Variants in ENOPH1 observed in about 807,000 individuals in gnomAD.
The protein encoded by ENOPH1 is enolase-phosphatase E1.
A neutral mutation model predicts 31.1 loss-of-function variants in ENOPH1; 14 were observed. That is an observed-to-expected ratio of 0.45 (90% CI 0.30 to 0.70). The LOEUF is 0.70. Ranked by LOEUF, ENOPH1 falls within the 30% of genes least tolerant of loss-of-function variation. The pLI, the probability that ENOPH1 is intolerant of heterozygous loss-of-function variation, is 0.09. For synonymous variants in ENOPH1, 127 were observed against 123.2 expected (o/e 1.03, Z -0.21); for missense variants, 243 against 321.5 (o/e 0.76, Z 1.87).
At chr4:82,434,196 TTGTC>T (rs1721845919) in intron 1 of ENOPH1, among the ~76,000 whole-genome samples, 1 of 152,228 alleles carries the variant, frequency 6.6e-6, no homozygotes, top group Non-Finnish European at 1.5e-5. Flanking sequence ...ATGCTACTGT[TTGTC>T]CTGTCTCCTT....
At position 82,460,447 on chromosome 4, in the gene ENOPH1, A is replaced by T. The variant is rs188783869; in HGVS notation, c.*327A>T. ...TGCTATGTTTATCAAATCGTGTACT[A>T]AAATGGAAAGCTAGTTTTGAGAAAT... On this transcript the variant is annotated 3_prime_UTR_variant, in exon 6 of 6. Coordinates refer to ENST00000273920, the MANE Select transcript of ENOPH1 (RefSeq NM_021204.5). 1.1e-5 allele frequency: 2 copies of T among 178,396 alleles called. No homozygotes were observed. The highest frequency in any genetic ancestry group is 6.2e-5 in the Admixed American group (1 of 16,156). The allele number at this position is 178,396 out of a possible 1,614,324, so 11.1% of individuals were successfully genotyped here. A position where few individuals can be genotyped will look rare whatever the true frequency, so the allele number is the denominator to read the frequency against.
At position 82,460,449 on chromosome 4, in the gene ENOPH1, A is replaced by G. The variant is rs1302062577; in HGVS notation, c.*329A>G. ...CTATGTTTATCAAATCGTGTACTAA[A>G]ATGGAAAGCTAGTTTTGAGAAATTA... On this transcript the variant is annotated 3_prime_UTR_variant, in exon 6 of 6. Transcript: ENST00000273920. 1 of 176,308 alleles carries G rather than the reference A, an allele frequency of 5.7e-6. No homozygotes were observed. The highest frequency in any genetic ancestry group is 2.3e-5 in the African/African-American group (1 of 42,554). 10.9% of individuals were successfully genotyped at this position (176,308 alleles called of 1,614,324 possible).
intron 1 of ENOPH1, among the ~76,000 whole-genome samples, chr4:82,447,426 G>A (rs985842416): frequency 1.3e-5 from 2 of 152,160 alleles, no homozygotes; most frequent in African/African-American, 4.8e-5. Flanking sequence ...TGAGTGATAT[G>A]TACAATAATG....
At chr4:82,449,111 G>A (rs1409843109) in intron 2 of ENOPH1, among the ~76,000 whole-genome samples, 1 of 147,668 alleles carries the variant, frequency 6.8e-6, no homozygotes, top group Non-Finnish European at 1.5e-5. Context: ...ATGGTGGCGG[G>A]CACCTGTAGT....
At chr4:82,441,303 C>T (rs116258489) in intron 1 of ENOPH1, among the ~76,000 whole-genome samples, 2,919 of 152,174 alleles carry the variant, frequency 0.019, 94 homozygotes, top group African/African-American at 0.067. Context: ...GGCAAGAGGG[C>T]ATGTTCAAGG....
intron 1 of ENOPH1, among the ~76,000 whole-genome samples, chr4:82,444,085 G>A (rs1200831344): frequency 6.6e-6 from 1 of 152,202 alleles, no homozygotes; most frequent in Non-Finnish European, 1.5e-5. Context: ...ATGTTGGCCA[G>A]GCTGGTCTCG....
At chr4:82,431,402 C>G (rs762544368) in intron 1 of ENOPH1, among the ~76,000 whole-genome samples, 18 of 152,234 alleles carry the variant, frequency 1.2e-4, no homozygotes, top group Non-Finnish European at 1.8e-4. Flanking sequence ...ATCAAGGTTC[C>G]TCTTCGCCCC....
intron 1 of ENOPH1, among the ~76,000 whole-genome samples, chr4:82,434,455 C>T (rs907773764): frequency 1.3e-4 from 20 of 151,840 alleles, no homozygotes; most frequent in Admixed American, 7.9e-4. Flanking sequence ...CATGGTGGCT[C>T]ATAATCCCAG....
rs1722506923 is a variant in ENOPH1, at chr4:82,456,991, T to C, written c.599T>C (p.Ile200Thr). 12 of 1,613,942 alleles carry C rather than the reference T, an allele frequency of 7.4e-6. No individual in the cohort carries two copies. Among genetic ancestry groups the C allele is most frequent in the South Asian group, 3.3e-5 (3 of 91,074 alleles). Residue 200 changes from isoleucine to threonine, a missense_variant, in exon 5 of 6, where the codon ATT becomes ACT. By Grantham distance (89) the Ile-to-Thr change is moderately conservative. Transcript: ENST00000273920. ...SESYRKIADSIGCSTNNILFL... is the reference protein window; with the variant it reads ...SESYRKIADSTGCSTNNILFL... ...AGTTACCGAAAGATTGCAGACAGCA[T>C]TGGGTGCTCAACCAACAACATTTTG...
chr4:82,458,063 C>T (rs1379921292), intron 5 of ENOPH1, among the ~76,000 whole-genome samples: 2 of 110,592 alleles, frequency 1.8e-5, no homozygotes, highest in East Asian at 5.0e-4. Context: ...CTTCTGCTGG[C>T]CCCATACACA....
intron 1 of ENOPH1, among the ~76,000 whole-genome samples, chr4:82,439,772 A>C (rs1721995053): frequency 6.6e-6 from 1 of 152,134 alleles, no homozygotes; most frequent in South Asian, 2.1e-4. Context: ...AAGTGATTGG[A>C]TCTGAATATA....
At chr4:82,456,422 A>G (rs1216860985) in intron 4 of ENOPH1, among the ~76,000 whole-genome samples, 1 of 152,196 alleles carries the variant, frequency 6.6e-6, no homozygotes, top group African/African-American at 2.4e-5. Flanking sequence ...AGAGACATAG[A>G]CGAGCCCTTG....
intron 3 of ENOPH1, among the ~76,000 whole-genome samples, chr4:82,451,728 G>T (rs1209128999): frequency 1.3e-5 from 2 of 152,136 alleles, no homozygotes; most frequent in Admixed American, 6.6e-5. Context: ...TTGAGTCTTG[G>T]TTATGGAGTT....
intron 3 of ENOPH1, among the ~76,000 whole-genome samples, chr4:82,454,050 TAAAA>T (rs34247093): frequency 7.4e-6 from 1 of 134,868 alleles, no homozygotes. Flanking sequence ...TACAAAAAAT[TAAAA>T]AAAAAAAAAA....
At chr4:82,448,464 A>G (rs1001081339) in intron 2 of ENOPH1, among the ~76,000 whole-genome samples, 16 of 151,296 alleles carry the variant, frequency 1.1e-4, no homozygotes, top group Non-Finnish European at 2.4e-4. Context: ...GTTTCACCGC[A>G]TTGGACAGGC....
At chr4:82,435,967 C>G (rs148429375) in intron 1 of ENOPH1, among the ~76,000 whole-genome samples, 1 of 152,074 alleles carries the variant, frequency 6.6e-6, no homozygotes, top group East Asian at 1.9e-4. Context: ...TTACGAAGTC[C>G]TATAGAAACA....
rs1722632069 is a variant in ENOPH1 at position 82,461,003 on chromosome 4, A to G, written c.*883A>G. 6.6e-6 allele frequency: 1 copy of G among 152,258 alleles called. No individual in the cohort carries two copies. The highest frequency in any genetic ancestry group is 1.5e-5 in the Non-Finnish European group (1 of 68,038). The allele number at this position is 152,258 out of a possible 1,614,324, so 9.4% of individuals were successfully genotyped here. Reference sequence around the variant, plus strand: ...AATGGATGTGAGAAATGTAAATTTTATAACAGCAGTATTTATCCTGGTTTA... The same window carrying G: ...AATGGATGTGAGAAATGTAAATTTTGTAACAGCAGTATTTATCCTGGTTTA... On this transcript the variant is annotated 3_prime_UTR_variant, in exon 6 of 6. Coordinates refer to ENST00000273920, the MANE Select transcript of ENOPH1 (RefSeq NM_021204.5).
intron 1 of ENOPH1, among the ~76,000 whole-genome samples, chr4:82,437,369 T>C (rs1307246325): frequency 5.3e-5 from 8 of 152,250 alleles, no homozygotes; most frequent in Non-Finnish European, 5.9e-5. Flanking sequence ...AGTCTCTCAC[T>C]GGCTGTGAGA....
At chr4:82,445,393 A>T (rs1024767678) in intron 1 of ENOPH1, among the ~76,000 whole-genome samples, 1 of 152,252 alleles carries the variant, frequency 6.6e-6, no homozygotes, top group Non-Finnish European at 1.5e-5. Flanking sequence ...ACATACTTTT[A>T]TGCAGTAACA....
Sources: gnomAD v4.1 joint callset for allele counts (sites outside exome capture counted in the v4.1 genomes callset) on GRCh38, gnomAD v4.1.1 for gene constraint, MANE v1.5 for transcripts, NCBI Gene and HGNC (gene_info 2026-07-23, HGNC 2026-07-21) for gene names.